ACER3: variants seen among roughly 807,000 people sequenced by gnomAD.
The protein encoded by ACER3 is alkaline ceramidase 3.
A neutral mutation model predicts 48.9 loss-of-function variants in ACER3; 16 were observed. The observed-to-expected ratio is 0.33, with a 90% CI of 0.22 to 0.50. ACER3 has a LOEUF of 0.50. ACER3 is among the 20% of genes least tolerant of loss of function. The pLI, the probability that ACER3 is intolerant of heterozygous loss-of-function variation, is 0.98. For missense variants in ACER3, 227 were observed against 326.0 expected (o/e 0.70, Z 2.34); for synonymous variants, 109 against 107.8 (o/e 1.01, Z -0.07).
chr11:76,933,739 CT>C lies in ACER3; in HGVS notation c.214+7076del, dbSNP rs1338724144. ...CTCAATCTTTTCCCCACCTTTCCCCCTTTTCTATTCCACAAAACCACCATTG... is the reference window on the plus strand; with the variant it reads ...CTCAATCTTTTCCCCACCTTTCCCCCTTTCTATTCCACAAAACCACCATTG... On this transcript the variant is annotated intron_variant, in intron 2 of 10. Coordinates refer to ENST00000532485, the MANE Select transcript of ACER3 (RefSeq NM_018367.7). Among the ~76,000 whole-genome samples the C allele has an allele frequency of 2.5e-3, 387 of 151,884 alleles. 2 individuals carry two copies. Among genetic ancestry groups the C allele is most frequent in the African/African-American group, 8.9e-3 (370 of 41,424 alleles).
chr11:76,991,320 T>C (rs1948796763), intron 6 of ACER3, among the ~76,000 whole-genome samples: 1 of 152,240 alleles, frequency 6.6e-6, no homozygotes, highest in East Asian at 1.9e-4. Context: ...ATAAGCACGC[T>C]TTTCAGAAGT....
At chr11:76,872,904 T>G (rs1355096395) in intron 1 of ACER3, among the ~76,000 whole-genome samples, 1 of 117,846 alleles carries the variant, frequency 8.5e-6, no homozygotes, top group Non-Finnish European at 1.7e-5. Flanking sequence ...CTTTCTTTTT[T>G]CTTTTTCTTT....
chr11:76,887,103 A>G (rs1038718695), intron 1 of ACER3, among the ~76,000 whole-genome samples: 3 of 124,920 alleles, frequency 2.4e-5, no homozygotes, highest in South Asian at 2.1e-4. Flanking sequence ...CTGTCTCTAC[A>G]AAAAAAATAC....
chr11:77,017,579 T>C (rs1382420503), intron 9 of ACER3, among the ~76,000 whole-genome samples: 1 of 152,376 alleles, frequency 6.6e-6, no homozygotes, highest in East Asian at 1.9e-4. Context: ...CAATCTCATT[T>C]AGAATTCCAA....
At chr11:76,937,340 C>T (rs562349275) in intron 2 of ACER3, among the ~76,000 whole-genome samples, 8 of 152,282 alleles carry the variant, frequency 5.3e-5, no homozygotes, top group South Asian at 4.1e-4. Flanking sequence ...ATGCATTTAT[C>T]GTTTGACCCA....
intron 1 of ACER3, among the ~76,000 whole-genome samples, chr11:76,880,834 T>A (rs1945505359): frequency 6.6e-6 from 1 of 152,132 alleles, no homozygotes; most frequent in Non-Finnish European, 1.5e-5. Flanking sequence ...AAAACATATA[T>A]ATATATTATG....
At chr11:76,963,135 G>A (rs1259512867) in intron 3 of ACER3, among the ~76,000 whole-genome samples, 2 of 151,300 alleles carry the variant, frequency 1.3e-5, no homozygotes, top group African/African-American at 4.9e-5. Flanking sequence ...CTCTTTGTAT[G>A]ATTAGCGAGC....
chr11:76,986,998 G>A (rs190838516), intron 5 of ACER3, among the ~76,000 whole-genome samples: 6 of 152,256 alleles, frequency 3.9e-5, no homozygotes, highest in Non-Finnish European at 8.8e-5. Context: ...CCCCGGAGGC[G>A]GAGGCTGCAG....
At chr11:76,929,379 T>C (rs1946928893) in intron 2 of ACER3, among the ~76,000 whole-genome samples, 1 of 152,224 alleles carries the variant, frequency 6.6e-6, no homozygotes, top group Admixed American at 6.5e-5. Context: ...GATGGGGTTT[T>C]CCAGATATAC....
chr11:77,017,114 A>G (rs2135331169), intron 9 of ACER3, among the ~76,000 whole-genome samples: 1 of 152,284 alleles, frequency 6.6e-6, no homozygotes, highest in South Asian at 2.1e-4. Flanking sequence ...AGAACAAATT[A>G]AGCCCAAATT....
At chr11:76,933,062 G>T (rs1947052720) in intron 2 of ACER3, among the ~76,000 whole-genome samples, 1 of 151,718 alleles carries the variant, frequency 6.6e-6, no homozygotes, top group South Asian at 2.1e-4. Context: ...AGATGCGTTA[G>T]TGAAAGGAAA....
At chr11:77,010,215 G>A (rs1297494063) in intron 7 of ACER3, among the ~76,000 whole-genome samples, 4 of 150,498 alleles carry the variant, frequency 2.7e-5, no homozygotes, top group Non-Finnish European at 5.9e-5. Context: ...TGGCATGGTG[G>A]CATGCTCTTG....
At chr11:76,949,554 T>C (rs1242224885) in intron 2 of ACER3, among the ~76,000 whole-genome samples, 1 of 152,214 alleles carries the variant, frequency 6.6e-6, no homozygotes, top group Non-Finnish European at 1.5e-5. Context: ...AGATTCCTTT[T>C]TTAAATTATC....
rs560320244 is a variant in ACER3 at position 76,863,451 on chromosome 11, C to G, written c.103+2372C>G. Among the ~76,000 whole-genome samples, 3 of 152,226 alleles carry G rather than the reference C, an allele frequency of 2.0e-5. No homozygotes were observed. The East Asian group carries it at 5.8e-4, about 29-fold the overall frequency. Reference sequence around the variant, plus strand: ...ATGAGTGAATGTTTGCAGCCCTTTGCGCATGCACCTTGGGAGAAAATCATC... The same window carrying G: ...ATGAGTGAATGTTTGCAGCCCTTTGGGCATGCACCTTGGGAGAAAATCATC... On this transcript the variant is annotated intron_variant, in intron 1 of 10. Coordinates refer to ENST00000532485, the MANE Select transcript of ACER3 (RefSeq NM_018367.7).
At chr11:76,890,842 G>A (rs1280939206) in intron 1 of ACER3, among the ~76,000 whole-genome samples, 4 of 152,072 alleles carry the variant, frequency 2.6e-5, no homozygotes, top group Admixed American at 6.6e-5. Flanking sequence ...AGTAATCACC[G>A]GGTGCGGTGG....
chr11:76,883,465 GAGTCTCACTCTGTCGCCC>G (rs1945586873), intron 1 of ACER3, among the ~76,000 whole-genome samples: 2 of 98,556 alleles, frequency 2.0e-5, no homozygotes, highest in South Asian at 7.2e-4. Context: ...TTTTGAGACA[GAGTCTCACTCTGTCGCCC>G]AGGCTGGAAT....
At chr11:76,870,853 T>G (rs895664765) in intron 1 of ACER3, among the ~76,000 whole-genome samples, 1 of 152,232 alleles carries the variant, frequency 6.6e-6, no homozygotes, top group Non-Finnish European at 1.5e-5. Flanking sequence ...CATAATATTT[T>G]CATTACAGTC....
chr11:76,936,777 G>A (rs1947199456), intron 2 of ACER3, among the ~76,000 whole-genome samples: 1 of 150,382 alleles, frequency 6.6e-6, no homozygotes, highest in Admixed American at 6.6e-5. Flanking sequence ...CAGTGCAGTG[G>A]TGCAATATTT....
chr11:76,919,183 A>G (rs1415810926), intron 1 of ACER3, among the ~76,000 whole-genome samples: 1 of 152,208 alleles, frequency 6.6e-6, no homozygotes, highest in Non-Finnish European at 1.5e-5. Context: ...TGTAAATACA[A>G]CCGAGCTCTA....
Sources: allele counts gnomAD v4.1 joint callset (sites outside exome capture counted in the v4.1 genomes callset), GRCh38; gene constraint gnomAD v4.1.1; transcripts MANE v1.5; gene names NCBI Gene and HGNC (gene_info 2026-07-23, HGNC 2026-07-21).